LRRC37B: variants seen among roughly 807,000 people sequenced by gnomAD.
LRRC37B encodes leucine rich repeat containing 37B.
A neutral mutation model predicts 98.3 loss-of-function variants in LRRC37B; 28 were observed. The ratio of observed to expected loss-of-function variants is 0.28; its 90% CI spans 0.21 to 0.39. The LOEUF (loss-of-function observed/expected upper bound fraction) is 0.39, where lower values mean the gene tolerates loss of function less well. Among genes scored for constraint, LRRC37B ranks in the 10% least tolerant of loss-of-function variants. The pLI is 1.00. For synonymous variants in LRRC37B, 364 were observed against 442.7 expected, an observed-to-expected ratio of 0.82 and a Z score of 2.23; for missense variants, 938 against 1,182.7, an observed-to-expected ratio of 0.79 and a Z score of 3.03.
Position 32,035,050 on chromosome 17 carries a change from A to C in LRRC37B, c.2129+69A>C. The stretch of plus-strand genomic sequence containing the variant: ...TTTTTAAATTTGTCATCAAAGATAA[A>C]GTATTTTGCATTTAGGCTAAAAAGT... On this transcript the variant is annotated intron_variant, in intron 6 of 11. Coordinates refer to ENST00000327564, the Ensembl canonical transcript of LRRC37B. 6 of 1,173,804 alleles carry C rather than the reference A, an allele frequency of 5.1e-6. No individual in the cohort carries two copies. The South Asian group carries it at 7.0e-5, about 14-fold the overall frequency. The allele number at this position is 1,173,804 out of a possible 1,614,324, so 72.7% of individuals were successfully genotyped here.
At chr17:32,026,278 T>G (rs997066045) in intron 2 of LRRC37B, among the ~76,000 whole-genome samples, 12 of 152,070 alleles carry the variant, frequency 7.9e-5, no homozygotes, top group African/African-American at 2.9e-4. Flanking sequence ...ACCTCGGGAG[T>G]TCGAGGCAGG....
intron 2 of LRRC37B, among the ~76,000 whole-genome samples, chr17:32,027,393 A>ATG (rs370608644): frequency 4.4e-5 from 5 of 113,014 alleles, no homozygotes; most frequent in South Asian, 3.0e-4. Flanking sequence ...GTGTGCTTGC[A>ATG]TGTGTGTGTG....
chr17:32,026,253 G>A (rs542021461), intron 2 of LRRC37B, among the ~76,000 whole-genome samples: 1 of 152,210 alleles, frequency 6.6e-6, no homozygotes, highest in African/African-American at 2.4e-5. Flanking sequence ...AGTGGCTCAC[G>A]CCTGTAACCC....
At chr17:32,041,270 T>G (rs751787983) in intron 7 of LRRC37B, 82 of 764,380 alleles carry the variant, frequency 1.1e-4, no homozygotes, top group Middle Eastern at 2.3e-4. Flanking sequence ...TCCCCAAGAT[T>G]GCAGCTTCAT....
chr17:32,021,660 C>T (rs1567613449), exon 1 of LRRC37B: 4 of 1,614,236 alleles, frequency 2.5e-6, no homozygotes, highest in South Asian at 1.1e-5. Context: ...AGATGAAATA[C>T]TTGTTCCACT....
At chr17:32,007,899 C>A, upstream of LRRC37B, 1 of 838,360 alleles carries the variant, frequency 1.2e-6, no homozygotes, top group Non-Finnish European at 1.5e-6. The surrounding 1 kb of genome is among the most constrained non-coding windows in gnomAD (Gnocchi z 4.1). Context: ...AGCCACCTAG[C>A]CCGGACCACC....
intron 2 of LRRC37B, among the ~76,000 whole-genome samples, chr17:32,025,030 G>GTTTTTTTTTTTTTTT (rs772444987): frequency 1.4e-5 from 1 of 69,918 alleles, no homozygotes; most frequent in Non-Finnish European, 2.6e-5. Flanking sequence ...TTTTTTCCTC[G>GTTTTTTTTTTTTTTT]TTTTTTTTTT....
At chr17:32,011,151 C>T (rs1378942880) in intron 1 of LRRC37B, among the ~76,000 whole-genome samples, 1 of 151,974 alleles carries the variant, frequency 6.6e-6, no homozygotes, top group African/African-American at 2.4e-5. Context: ...CACCCGCCAC[C>T]ACGCCCCGCT....
intron 9 of LRRC37B, chr17:32,048,882 A>G: frequency 1.3e-6 from 2 of 1,528,158 alleles, no homozygotes; most frequent in Admixed American, 3.4e-5. Flanking sequence ...ACTAGTGTAA[A>G]AGACACAACT....
chr17:32,007,692 C>G (rs887046987), upstream of LRRC37B, among the ~76,000 whole-genome samples: 1 of 151,404 alleles, frequency 6.6e-6, no homozygotes, highest in East Asian at 1.9e-4. The surrounding 1 kb of genome is among the most constrained non-coding windows in gnomAD (Gnocchi z 4.1). Context: ...CCGCCGCCGC[C>G]CACGTCCGGA....
At position 32,013,020 on chromosome 17, in the gene LRRC37B, A is replaced by AACAG. The variant is rs1055068831; in HGVS notation, c.-191+4896_-191+4899dup. 4.1e-5 allele frequency among the ~76,000 whole-genome samples: 6 copies of AACAG among 147,772 alleles called. No homozygotes were observed. In the East Asian group the frequency reaches 1.2e-3, roughly 29 times the overall value. ...TAACAGGGCAAGACCCCGTCTTGAA[A>AACAG]ACAGACAGACAAACAAAAAACCATT... On this transcript the variant is annotated intron_variant, in intron 1 of 14. Transcript: ENST00000543378.
chr17:32,036,530 C>T (rs1465304295), intron 7 of LRRC37B, among the ~76,000 whole-genome samples: 4 of 152,062 alleles, frequency 2.6e-5, no homozygotes, highest in South Asian at 2.1e-4. Context: ...AAAGTATACC[C>T]GAGGCTTATG....
upstream of LRRC37B, among the ~76,000 whole-genome samples, chr17:32,019,885 C>T (rs1910723593): frequency 6.6e-6 from 1 of 152,108 alleles, no homozygotes; most frequent in Non-Finnish European, 1.5e-5. Context: ...GAGTTTCTCT[C>T]TTGTTGCCCA....
chr17:32,023,416 C>G (rs770608434), intron 1 of LRRC37B, among the ~76,000 whole-genome samples: 7 of 152,224 alleles, frequency 4.6e-5, no homozygotes, highest in African/African-American at 7.2e-5. Context: ...AGCCACCGCG[C>G]CTGGCCCGCT....
At chr17:32,033,271 C>T (rs1223209258) in intron 5 of LRRC37B, among the ~76,000 whole-genome samples, 2 of 147,952 alleles carry the variant, frequency 1.4e-5, no homozygotes, top group Non-Finnish European at 3.0e-5. Flanking sequence ...AGCCACCAGG[C>T]CCAGCCAATA....
chr17:32,019,488 G>T (rs1910716764), upstream of LRRC37B, among the ~76,000 whole-genome samples: 1 of 152,162 alleles, frequency 6.6e-6, no homozygotes, highest in African/African-American at 2.4e-5. Flanking sequence ...AGCAATGCAT[G>T]ACTGCATATG....
chr17:32,020,170 T>C (rs1365719380), upstream of LRRC37B, among the ~76,000 whole-genome samples: 2 of 152,160 alleles, frequency 1.3e-5, no homozygotes, highest in Admixed American at 6.5e-5. Context: ...ACCATCACTA[T>C]GCACCCCGTG....
intron 2 of LRRC37B, among the ~76,000 whole-genome samples, chr17:32,026,660 C>T (rs1009334214): frequency 6.6e-6 from 1 of 152,072 alleles, no homozygotes; most frequent in Non-Finnish European, 1.5e-5. Context: ...AACTCATGAT[C>T]TCAGGTGATT....
upstream of LRRC37B, among the ~76,000 whole-genome samples, chr17:32,007,718 C>T (rs898123440): frequency 1.3e-4 from 19 of 151,418 alleles, no homozygotes; most frequent in African/African-American, 3.9e-4. This position sits in a 1 kb window ranked among gnomAD's most constrained non-coding sequence, Gnocchi z 4.1. Context: ...CGGGGGCTCC[C>T]CTCGCCGATA....
Sources: allele counts gnomAD v4.1 joint callset (sites outside exome capture counted in the v4.1 genomes callset), GRCh38; gene constraint gnomAD v4.1.1; non-coding constraint Gnocchi (gnomAD v3.1); transcripts MANE v1.5; gene names NCBI Gene and HGNC (gene_info 2026-07-23, HGNC 2026-07-21).